Variants in VPS16 observed in about 807,000 individuals in gnomAD.
VPS16 encodes the protein VPS16 core subunit of CORVET and HOPS complexes.
A neutral mutation model predicts 116.0 loss-of-function variants in VPS16; 82 were observed. The ratio of observed to expected loss-of-function variants is 0.71; its 90% confidence interval spans 0.59 to 0.85. The LOEUF (loss-of-function observed/expected upper bound fraction) is 0.85. Ranked by LOEUF, VPS16 falls within the 40% of genes least tolerant of loss-of-function variation. VPS16 has a pLI of 0.00. For missense variants in VPS16, 928 were observed against 1,090.6 expected (o/e 0.85, Z 2.10); for synonymous variants, 406 against 420.7 (o/e 0.96, Z 0.43).
Position 2,865,566 on chromosome 20 carries a change from G to A in VPS16, c.2271+71G>A, listed in dbSNP as rs2089323108. On this transcript the variant is annotated intron_variant, in intron 22 of 23. Coordinates refer to ENST00000380445, the MANE Select transcript of VPS16 (RefSeq NM_022575.4). This position sits in a 1 kb window ranked among gnomAD's most constrained non-coding sequence, Gnocchi z 5.2. ...TTCGGGAGAGAGGGCTAGGCAGGGAGACAGATAGGATGGCCCGTTCATGCT... is the reference window on the plus strand; with the variant it reads ...TTCGGGAGAGAGGGCTAGGCAGGGAAACAGATAGGATGGCCCGTTCATGCT... 7.0e-7 allele frequency: 1 copy of A among 1,421,402 alleles called. No homozygotes were observed. The highest frequency in any genetic ancestry group is 9.7e-7 in the Non-Finnish European group (1 of 1,033,008). The allele number at this position is 1,421,402 out of a possible 1,614,324, so 88.0% of individuals were successfully genotyped here.
intron 1 of VPS16, among the ~76,000 whole-genome samples, chr20:2,850,536 G>A (rs146720554): frequency 0.013 from 1,950 of 152,100 alleles, 19 homozygotes; most frequent in Middle Eastern, 0.027. Context: ...TGAGGCAGGA[G>A]AATCGCTTGA....
chr20:2,866,574 A>G lies in VPS16; in HGVS notation c.2520A>G (p.Ter840TrpextTer34), dbSNP rs770227775. Residue 840 changes from the stop codon to tryptophan (W), a stop_lost, in exon 24 of 24, where the codon TGA becomes TGG. Transcript: ENST00000380445. ...QRARAQAQKK[*>W] ...CCAGGGCACAAGCCCAGAAGAAGTG[A>G]GGAGTCCATCCTGTACATCTCAAGC... 1 of 1,614,062 alleles carries G rather than the reference A, an allele frequency of 6.2e-7. No individual in the cohort carries two copies. Among genetic ancestry groups the G allele is most frequent in the South Asian group, 1.1e-5 (1 of 91,072 alleles).
At chr20:2,845,921 TG>T (rs1345773294) in intron 1 of VPS16, among the ~76,000 whole-genome samples, 2 of 152,174 alleles carry the variant, frequency 1.3e-5, no homozygotes, top group Admixed American at 1.3e-4. Flanking sequence ...GATTTATCCA[TG>T]TTATAGCATG....
chr20:2,849,659 C>T (rs958834322), intron 1 of VPS16, among the ~76,000 whole-genome samples: 8 of 152,044 alleles, frequency 5.3e-5, no homozygotes, highest in African/African-American at 1.9e-4. Context: ...CTTCTCAGAA[C>T]ATGACTCAAG....
chr20:2,860,738 C>CT lies in VPS16; in HGVS notation c.515-9dup, dbSNP rs1568627277. The stretch of plus-strand genomic sequence containing the variant: ...GGTCATCCTAACACTGTCCTTTTCC[C>CT]TGGCCATAGGTCTGCAAAGTGCACC... On this transcript the variant is annotated splice_polypyrimidine_tract_variant and intron_variant, in intron 5 of 23. Coordinates refer to ENST00000380445, the MANE Select transcript of VPS16 (RefSeq NM_022575.4). The surrounding 1 kb of genome is among the most constrained non-coding windows in gnomAD (Gnocchi z 6.1). 1.9e-6 allele frequency: 3 copies of CT among 1,613,804 alleles called. No individual in the cohort carries two copies. The South Asian group carries it at 3.3e-5, about 18-fold the overall frequency.
In VPS16 at chr20:2,866,300, C is replaced by G. The variant is rs2089343892; in HGVS notation, c.2360C>G (p.Ala787Gly). Residue 787 changes from alanine to glycine, a missense_variant, in exon 23 of 24, where the codon GCT becomes GGT. Physicochemically the swap from Ala to Gly is moderately conservative, Grantham distance 60 (BLOSUM62 0). Coordinates refer to ENST00000380445, the MANE Select transcript of VPS16 (RefSeq NM_022575.4). ...GTGGGTCCCGAGCAGAAGGTCAAGG[C>G]TTTGCTTCTTGTTGGGTGCGTCAAC... ...SRVGPEQKVK[A>G]LLLVGDVAQA... 1 of 1,614,000 alleles carries G rather than the reference C, an allele frequency of 6.2e-7. No homozygotes were observed. Among genetic ancestry groups the G allele is most frequent in the Admixed American group, 1.7e-5 (1 of 59,996 alleles).
chr20:2,857,110 T>C (rs919828295), intron 1 of VPS16, among the ~76,000 whole-genome samples: 1 of 152,082 alleles, frequency 6.6e-6, no homozygotes, highest in Non-Finnish European at 1.5e-5. Context: ...CCTGACTAGC[T>C]GGGATTTCAG....
chr20:2,841,073 G>A (rs1053012695), intron 1 of VPS16: 11 of 547,842 alleles, frequency 2.0e-5, no homozygotes, highest in Non-Finnish European at 3.2e-5. Context: ...TTAGCCTCCG[G>A]AAAGATGCTC....
rs764192537 is a variant in VPS16 at position 2,862,819 on chromosome 20, G to T, written c.1216G>T (p.Gly406Ter). 6.2e-7 allele frequency: 1 copy of T among 1,614,040 alleles called. No individual in the cohort carries two copies. Among genetic ancestry groups the T allele is most frequent in the Admixed American group, 1.7e-5 (1 of 60,024 alleles). ...QKSLLRAASF[G>*]KCFLDRFPPD... Reference sequence around the variant, plus strand: ...TGGCTCTTCTCAGGCCGCCTCCTTCGGAAAGTGTTTCCTGGACAGATTTCC... The same window carrying T: ...TGGCTCTTCTCAGGCCGCCTCCTTCTGAAAGTGTTTCCTGGACAGATTTCC... The change falls in exon 13 of 24, where the codon GGA becomes TGA. Residue 406 changes from glycine (G) to a stop codon, truncating the protein, a stop_gained. Coordinates refer to ENST00000380445, the MANE Select transcript of VPS16 (RefSeq NM_022575.4). LOFTEE classifies it high-confidence loss of function.
intron 1 of VPS16, among the ~76,000 whole-genome samples, chr20:2,846,210 G>A (rs576914257): frequency 6.1e-5 from 9 of 148,010 alleles, no homozygotes; most frequent in East Asian, 2.0e-4. Context: ...TCTGCCTCCC[G>A]GGTTCAAGTG....
chr20:2,857,857 C>T (rs1027856649), intron 1 of VPS16, among the ~76,000 whole-genome samples: 2 of 150,698 alleles, frequency 1.3e-5, no homozygotes, highest in African/African-American at 4.9e-5. Flanking sequence ...ATTACAGGTG[C>T]CCACCACCAC....
Position 2,864,481 on chromosome 20 carries a change from G to A in VPS16, c.1818+19G>A. 1 of 1,614,186 alleles carries A rather than the reference G, an allele frequency of 6.2e-7. No individual in the cohort carries two copies. Among genetic ancestry groups the A allele is most frequent in the Non-Finnish European group, 8.5e-7 (1 of 1,180,038 alleles). On this transcript the variant is annotated intron_variant, in intron 18 of 23. Transcript: ENST00000380445. The surrounding 1 kb of genome is among the most constrained non-coding windows in gnomAD (Gnocchi z 5.2). Reference sequence around the variant, plus strand: ...CCGACAGGTGTGTGTAGTGGGCAGGGTTGTGGTGTAGCCTTCTGAGCACTT... The same window carrying A: ...CCGACAGGTGTGTGTAGTGGGCAGGATTGTGGTGTAGCCTTCTGAGCACTT...
chr20:2,859,000 A>T (rs1046227419), intron 1 of VPS16, among the ~76,000 whole-genome samples: 1 of 152,190 alleles, frequency 6.6e-6, no homozygotes, highest in African/African-American at 2.4e-5. Context: ...ACCCTGATTC[A>T]TTAAGAACCA....
chr20:2,846,685 A>T (rs540126266), intron 1 of VPS16, among the ~76,000 whole-genome samples: 61 of 152,278 alleles, frequency 4.0e-4, no homozygotes, highest in African/African-American at 1.4e-3. Flanking sequence ...CCTAACATGC[A>T]TCTTCCTCCC....
rs1236635018 is a variant in VPS16, at chr20:2,860,005, T to A, written c.143-49T>A. 6.2e-7 allele frequency: 1 copy of A among 1,608,084 alleles called. No individual in the cohort carries two copies. On this transcript the variant is annotated intron_variant, in intron 2 of 23. Transcript: ENST00000380445. This position sits in a 1 kb window ranked among gnomAD's most constrained non-coding sequence, Gnocchi z 6.1. ...GCCAGGATGTGAGGCCTGCTTCACA[T>A]GGGGTGGGCCTAGGGAGCTAGGACA...
chr20:2,841,099 A>C (rs540514351), intron 1 of VPS16: 4 of 514,616 alleles, frequency 7.8e-6, no homozygotes, highest in Non-Finnish European at 1.0e-5. Flanking sequence ...TCGCTGAGGG[A>C]GGCAGCTCGC....
At position 2,865,006 on chromosome 20, in the gene VPS16, A is replaced by G. The variant is rs1402635735; in HGVS notation, c.1955A>G (p.Gln652Arg). ...ATTGAGGGGCGAGTAGCAGCTCTGC[A>G]GACAGCCGCCGATGCCTTCTACAAG... is the stretch of plus-strand genomic sequence containing the variant. ...ERIEGRVAAL[Q>R]TAADAFYKAK... is the part of the protein sequence containing the mutation. Residue 652 changes from glutamine (Q) to arginine (R), a missense_variant, in exon 20 of 24, where the codon CAG (glutamine) becomes CGG (arginine). Transcript: ENST00000380445. The surrounding 1 kb of genome is among the most constrained non-coding windows in gnomAD (Gnocchi z 5.2). The G allele has an allele frequency of 6.2e-7, 1 of 1,614,170 alleles. No homozygotes were observed. The highest frequency in any genetic ancestry group is 2.2e-5 in the East Asian group (1 of 44,882).
intron 1 of VPS16, among the ~76,000 whole-genome samples, chr20:2,842,792 A>AGATGTATCTATC (rs2089006682): frequency 3.4e-5 from 3 of 88,668 alleles, no homozygotes; most frequent in African/African-American, 1.2e-4. Context: ...ATCTATCTAT[A>AGATGTATCTATC]GATAGACATA....
At chr20:2,842,826 A>ATAGATGTAT (rs1312887942) in intron 1 of VPS16, among the ~76,000 whole-genome samples, 5 of 780 alleles carry the variant, frequency 6.4e-3, no homozygotes, top group Non-Finnish European at 0.017. Context: ...CTATAGATAG[A>ATAGATGTAT]CATATAGATG....
Sources: gnomAD v4.1 joint callset for allele counts (sites outside exome capture counted in the v4.1 genomes callset) on GRCh38, gnomAD v4.1.1 for gene constraint, Gnocchi (gnomAD v3.1) non-coding constraint, MANE v1.5 for transcripts, NCBI Gene and HGNC (gene_info 2026-07-23, HGNC 2026-07-21) for gene names.